Variants in ZFPM2 observed in about 807,000 individuals in gnomAD.
ZFPM2 encodes zinc finger protein, FOG family member 2, also known as zinc finger protein ZFPM2.
In ZFPM2, 20 loss-of-function variants were observed where a neutral mutation model predicts 98.6. The observed-to-expected ratio is 0.20, with a 90% CI of 0.14 to 0.29. The LOEUF is 0.29. ZFPM2 is among the 10% of genes least tolerant of loss of function. The probability of loss-of-function intolerance (pLI) is 1.00; values close to 1 mark genes in which losing one functional copy is unlikely to be tolerated. For synonymous variants in ZFPM2, 518 were observed against 502.7 expected (o/e 1.03, Z -0.41); for missense variants, 1,310 against 1,388.6 (o/e 0.94, Z 0.90).
In ZFPM2 at chr8:105,715,328, A is replaced by T. The variant is rs1811496060; in HGVS notation, c.533-73390A>T. On this transcript the variant is annotated intron_variant, in intron 5 of 7. Coordinates refer to ENST00000407775, the MANE Select transcript of ZFPM2 (RefSeq NM_012082.4). ...GACAGGAGGATCGCTTAAGCCCAGA[A>T]GTTCAAGGTCACAGAGAGCTGCGAT... Among the ~76,000 whole-genome samples the T allele has an allele frequency of 2.0e-5, 3 of 151,662 alleles. No homozygotes were observed. In the South Asian group the frequency reaches 6.3e-4, roughly 32 times the overall value.
At chr8:105,797,047 T>TAATC (rs564217343) in intron 6 of ZFPM2, 6 of 152,338 alleles carry the variant, frequency 3.9e-5, no homozygotes, top group Non-Finnish European at 2.9e-5. Flanking sequence ...TTCTAGAATC[T>TAATC]AATCACCAAG....
At chr8:105,637,044 G>T (rs371520213) in intron 5 of ZFPM2, among the ~76,000 whole-genome samples, 2 of 152,210 alleles carry the variant, frequency 1.3e-5, no homozygotes, top group Admixed American at 1.3e-4. Context: ...CCAACTTAGG[G>T]TTGGAGTGAT....
intron 3 of ZFPM2, among the ~76,000 whole-genome samples, chr8:105,533,599 ACT>A (rs1310811475): frequency 1.3e-5 from 2 of 151,712 alleles, no homozygotes; most frequent in Non-Finnish European, 2.9e-5. Flanking sequence ...CTATATACTA[ACT>A]CTGTAGAACA....
At chr8:105,328,661 C>T (rs1396393710) in intron 1 of ZFPM2, among the ~76,000 whole-genome samples, 2 of 151,798 alleles carry the variant, frequency 1.3e-5, no homozygotes, top group Non-Finnish European at 2.9e-5. Flanking sequence ...GATTAAATGG[C>T]TTTTAATTTT....
At chr8:105,744,074 C>T (rs1812286639) in intron 5 of ZFPM2, among the ~76,000 whole-genome samples, 1 of 152,010 alleles carries the variant, frequency 6.6e-6, no homozygotes. Flanking sequence ...CATAAATATG[C>T]ATGTTGTAGA....
intron 1 of ZFPM2, among the ~76,000 whole-genome samples, chr8:105,325,200 G>A (rs1812093022): frequency 6.6e-6 from 1 of 151,866 alleles, no homozygotes; most frequent in South Asian, 2.1e-4. Context: ...TCCAGAGAAT[G>A]TGTTTTCACC....
At chr8:105,404,518 T>G (rs979283972) in intron 1 of ZFPM2, among the ~76,000 whole-genome samples, 1 of 152,140 alleles carries the variant, frequency 6.6e-6, no homozygotes, top group East Asian at 1.9e-4. Flanking sequence ...ATCTGAATTT[T>G]TCTTTATTTT....
intron 3 of ZFPM2, among the ~76,000 whole-genome samples, chr8:105,552,834 A>T (rs1425828154): frequency 6.9e-5 from 9 of 130,908 alleles, no homozygotes; most frequent in Admixed American, 2.3e-4. Flanking sequence ...TTTTTTTTTT[A>T]AAGACAGGAT....
chr8:105,533,603 T>G (rs1230594920), intron 3 of ZFPM2, among the ~76,000 whole-genome samples: 1 of 152,030 alleles, frequency 6.6e-6, no homozygotes, highest in Non-Finnish European at 1.5e-5. Flanking sequence ...ATACTAACTC[T>G]GTAGAACATT....
intron 5 of ZFPM2, among the ~76,000 whole-genome samples, chr8:105,652,358 A>G (rs1244390363): frequency 1.4e-5 from 2 of 143,494 alleles, no homozygotes; most frequent in Non-Finnish European, 3.1e-5. Context: ...ACTTCAGAGA[A>G]GTTGTATTCT....
Position 105,695,242 on chromosome 8 carries a change from A to G in ZFPM2, c.532+60885A>G, listed in dbSNP as rs76877590. Among the ~76,000 whole-genome samples the G allele has an allele frequency of 1.2e-4, 19 of 152,278 alleles. No homozygotes were observed. The East Asian group carries it at 3.3e-3, about 26-fold the overall frequency. ...GTAATATATTAGATCAAATTACTCT[A>G]TCTCCTGAGAAAATACGTAATCATG... On this transcript the variant is annotated intron_variant, in intron 5 of 7. Transcript: ENST00000407775.
intron 5 of ZFPM2, chr8:105,782,332 G>A (rs1317631550): frequency 6.6e-6 from 1 of 152,158 alleles, no homozygotes; most frequent in Non-Finnish European, 1.5e-5. Flanking sequence ...GATTTTCCAA[G>A]CTCACACAGT....
At chr8:105,459,524 T>A (rs1249234513) in intron 3 of ZFPM2, among the ~76,000 whole-genome samples, 1 of 152,164 alleles carries the variant, frequency 6.6e-6, no homozygotes, top group Non-Finnish European at 1.5e-5. Flanking sequence ...TACCACAGAC[T>A]GGGTGGATTA....
intron 3 of ZFPM2, among the ~76,000 whole-genome samples, chr8:105,459,677 C>A (rs560486761): frequency 1.3e-5 from 2 of 152,240 alleles, no homozygotes; most frequent in African/African-American, 4.8e-5. Flanking sequence ...ACTTTTTCTG[C>A]GTGTGTGAGG....
intron 3 of ZFPM2, among the ~76,000 whole-genome samples, chr8:105,508,710 C>T (rs1483433907): frequency 6.6e-6 from 1 of 151,902 alleles, no homozygotes; most frequent in Admixed American, 6.6e-5. Context: ...CGGGGCTCTT[C>T]GGCTTCATTT....
chr8:105,642,435 T>A (rs943993407), intron 5 of ZFPM2, among the ~76,000 whole-genome samples: 2 of 152,150 alleles, frequency 1.3e-5, no homozygotes, highest in African/African-American at 2.4e-5. Flanking sequence ...GATAAATATT[T>A]GCATTTGAAA....
chr8:105,625,042 CTG>C (rs1473944788), intron 4 of ZFPM2, among the ~76,000 whole-genome samples: 1 of 152,164 alleles, frequency 6.6e-6, no homozygotes, highest in African/African-American at 2.4e-5. Flanking sequence ...TTTTGTAGAA[CTG>C]TGCTCCAAGA....
At position 105,561,409 on chromosome 8, in the gene ZFPM2, T is replaced by C; in HGVS notation, c.348T>C (p.Ser116=). ...AAGATGGGGAACGAAAAATTCAGAG[T>C]CGACAGCAACTTCCAGTGGGAACAA... is the stretch of plus-strand genomic sequence containing the variant. The part of the protein sequence containing the change: ...FQKDGERKIQ[S]RQQLPVGTTW... The change falls in exon 4 of 8, where the codon AGT becomes AGC. Residue 116 remains serine, a synonymous_variant. Transcript: ENST00000407775. The C allele has an allele frequency of 6.2e-7, 1 of 1,613,206 alleles. No homozygotes were observed. The highest frequency in any genetic ancestry group is 2.2e-5 in the East Asian group (1 of 44,804).
chr8:105,753,689 TA>T (rs1392247720), intron 5 of ZFPM2, among the ~76,000 whole-genome samples: 1 of 152,092 alleles, frequency 6.6e-6, no homozygotes, highest in Non-Finnish European at 1.5e-5. Context: ...AGTAAGAAAA[TA>T]AATTTATATT....
Sources: allele counts gnomAD v4.1 joint callset (sites outside exome capture counted in the v4.1 genomes callset), GRCh38; gene constraint gnomAD v4.1.1; transcripts MANE v1.5; gene names NCBI Gene and HGNC (gene_info 2026-07-23, HGNC 2026-07-21).